Variants in TNFSF4 observed in about 807,000 individuals in gnomAD.
TNFSF4 encodes the protein tumor necrosis factor ligand superfamily member 4.
A neutral mutation model predicts 7.3 loss-of-function variants in TNFSF4; 4 were observed. The ratio of observed to expected loss-of-function variants is 0.55; its 90% CI spans 0.27 to 1.25. The LOEUF (loss-of-function observed/expected upper bound fraction) is 1.25, where lower values mean the gene tolerates loss of function less well. TNFSF4 is among the 50% of genes most tolerant of loss of function. The probability of loss-of-function intolerance (pLI) is 0.12; values close to 1 mark genes in which losing one functional copy is unlikely to be tolerated. For missense variants in TNFSF4, 181 were observed against 208.8 expected (o/e 0.87, Z 0.82); for synonymous variants, 76 against 83.7 (o/e 0.91, Z 0.50).
At chr1:173,229,397 G>A in the TNFSF4 span, among the ~76,000 whole-genome samples, 2 of 152,116 alleles carry the variant, frequency 1.3e-5, no homozygotes, top group Non-Finnish European at 2.9e-5. Context: ...GATTTTGTCA[G>A]AACCAGGCCT....
the TNFSF4 span, among the ~76,000 whole-genome samples, chr1:173,408,925 C>T: frequency 1.8e-4 from 27 of 152,094 alleles, no homozygotes; most frequent in South Asian, 6.2e-4. Flanking sequence ...AAGTACCTTC[C>T]GTAAAATATT....
At chr1:173,428,275 T>C in the TNFSF4 span, among the ~76,000 whole-genome samples, 1 of 152,188 alleles carries the variant, frequency 6.6e-6, no homozygotes, top group Non-Finnish European at 1.5e-5. Flanking sequence ...CTACCATCCA[T>C]AATGGTTCAT....
chr1:173,280,270 C>T, the TNFSF4 span, among the ~76,000 whole-genome samples: 4 of 152,108 alleles, frequency 2.6e-5, no homozygotes, highest in Admixed American at 2.0e-4. Flanking sequence ...GATACCACTC[C>T]TGTTTGTACC....
the TNFSF4 span, among the ~76,000 whole-genome samples, chr1:173,442,492 T>C: frequency 6.6e-6 from 1 of 151,820 alleles, no homozygotes; most frequent in African/African-American, 2.4e-5. Flanking sequence ...AGAAATCTAA[T>C]CCACTCGGGT....
the TNFSF4 span, among the ~76,000 whole-genome samples, chr1:173,247,422 T>A: frequency 2.0e-5 from 3 of 152,188 alleles, no homozygotes; most frequent in Admixed American, 6.5e-5. Flanking sequence ...GAGTTTTTTT[T>A]AAAGATTAAG....
At chr1:173,223,805 C>T in the TNFSF4 span, among the ~76,000 whole-genome samples, 87 of 152,150 alleles carry the variant, frequency 5.7e-4, no homozygotes, top group Non-Finnish European at 1.0e-3. Context: ...AACTCTATCA[C>T]GCCTCGTATC....
chr1:173,361,153 C>T, the TNFSF4 span, among the ~76,000 whole-genome samples: 1 of 152,202 alleles, frequency 6.6e-6, no homozygotes, highest in Non-Finnish European at 1.5e-5. Flanking sequence ...GCTTGAATAA[C>T]ACCAGATGTT....
chr1:173,215,477 C>T, the TNFSF4 span, among the ~76,000 whole-genome samples: 2 of 152,074 alleles, frequency 1.3e-5, no homozygotes, highest in Non-Finnish European at 2.9e-5. Flanking sequence ...AGAATTTTAT[C>T]CTGTTACCTT....
At chr1:173,390,023 G>T in the TNFSF4 span, among the ~76,000 whole-genome samples, 3 of 151,964 alleles carry the variant, frequency 2.0e-5, no homozygotes, top group African/African-American at 7.3e-5. Flanking sequence ...CTGGGTTAAG[G>T]GTAAGTCCTT....
In TNFSF4 at chr1:173,198,783, T is replaced by C. The variant is rs138723483; in HGVS notation, c.153+8241A>G. Among the ~76,000 whole-genome samples the C allele has an allele frequency of 1.1e-4, 16 of 152,264 alleles. No individual in the cohort carries two copies. The East Asian group carries it at 3.1e-3, about 29-fold the overall frequency. On this transcript the variant is annotated intron_variant, in intron 1 of 2. Transcript: ENST00000281834. Reference sequence around the variant, plus strand: ...AGTTAAAAAAAGATGATCCCTAGTGTTGTGCATGCAGTGAAGCTCTTCACC... The same window carrying C: ...AGTTAAAAAAAGATGATCCCTAGTGCTGTGCATGCAGTGAAGCTCTTCACC...
chr1:173,383,513 C>T, the TNFSF4 span, among the ~76,000 whole-genome samples: 3 of 152,182 alleles, frequency 2.0e-5, no homozygotes, highest in African/African-American at 7.2e-5. Context: ...TTCATTCATT[C>T]ACATATTGAA....
chr1:173,371,775 G>GAATGGTTCAC, the TNFSF4 span, among the ~76,000 whole-genome samples: 4 of 152,172 alleles, frequency 2.6e-5, no homozygotes, highest in Admixed American at 2.6e-4. Flanking sequence ...AGAGGAAGCA[G>GAATGGTTCAC]AATGGTTCAC....
intron 1 of TNFSF4, among the ~76,000 whole-genome samples, chr1:173,197,224 G>A (rs1186745279): frequency 1.3e-5 from 2 of 152,222 alleles, no homozygotes; most frequent in African/African-American, 4.8e-5. Context: ...TACACTGTTG[G>A]TGGGAATGTA....
At chr1:173,229,752 T>C in the TNFSF4 span, among the ~76,000 whole-genome samples, 1 of 151,344 alleles carries the variant, frequency 6.6e-6, no homozygotes, top group Non-Finnish European at 1.5e-5. Context: ...ACCAAGCAAA[T>C]GGAAAACAAA....
the TNFSF4 span, among the ~76,000 whole-genome samples, chr1:173,394,899 C>T: frequency 6.6e-6 from 1 of 150,916 alleles, no homozygotes; most frequent in Admixed American, 6.6e-5. Flanking sequence ...CCCAATAAAT[C>T]TTTAATATTT....
At chr1:173,223,512 T>C in the TNFSF4 span, among the ~76,000 whole-genome samples, 4 of 151,278 alleles carry the variant, frequency 2.6e-5, no homozygotes, top group Non-Finnish European at 4.4e-5. Flanking sequence ...GTCCCAAGAA[T>C]AAAAATAGAG....
the TNFSF4 span, among the ~76,000 whole-genome samples, chr1:173,227,998 C>T: frequency 6.6e-6 from 1 of 152,172 alleles, no homozygotes; most frequent in Non-Finnish European, 1.5e-5. Flanking sequence ...TCTGTAGACT[C>T]CACCTCTGGG....
At chr1:173,231,467 T>G in the TNFSF4 span, among the ~76,000 whole-genome samples, 2 of 152,204 alleles carry the variant, frequency 1.3e-5, no homozygotes, top group Non-Finnish European at 2.9e-5. Context: ...TAGCTATTTA[T>G]GACAAACCCA....
At chr1:173,176,971 G>C in the TNFSF4 span, among the ~76,000 whole-genome samples, 1 of 152,146 alleles carries the variant, frequency 6.6e-6, no homozygotes, top group African/African-American at 2.4e-5. Flanking sequence ...GGGCCTACTT[G>C]AGGGTGGAGG....
Sources: gnomAD v4.1 joint callset for allele counts (sites outside exome capture counted in the v4.1 genomes callset) on GRCh38, gnomAD v4.1.1 for gene constraint, MANE v1.5 for transcripts, NCBI Gene and HGNC (gene_info 2026-07-23, HGNC 2026-07-21) for gene names.